CDH26: variants seen among roughly 807,000 people sequenced by gnomAD.
CDH26 encodes the protein cadherin-like protein 26.
In CDH26, 83 loss-of-function variants were observed where a neutral mutation model predicts 90.3. The ratio of observed to expected loss-of-function variants is 0.92; its 90% CI spans 0.77 to 1.10. CDH26 has a LOEUF of 1.10. Ranked by LOEUF, CDH26 falls within the 50% of genes least tolerant of loss-of-function variation. CDH26 has a pLI of 0.00. For missense variants in CDH26, 1,013 were observed against 1,037.6 expected, an observed-to-expected ratio of 0.98 and a Z score of 0.33; for synonymous variants, 397 against 396.3, an observed-to-expected ratio of 1.00 and a Z score of -0.02.
downstream of CDH26, among the ~76,000 whole-genome samples, chr20:60,018,200 TG>T (rs942920923): frequency 3.3e-5 from 5 of 152,094 alleles, no homozygotes; most frequent in African/African-American, 1.2e-4. Flanking sequence ...GAGAGTGAGA[TG>T]TTGAAGTCCC....
intron 4 of CDH26, among the ~76,000 whole-genome samples, chr20:59,973,153 C>T (rs117076225): frequency 0.019 from 2,888 of 152,282 alleles, 40 homozygotes; most frequent in Middle Eastern, 0.037. Flanking sequence ...AAACAGATCA[C>T]CTAGGGATCT....
chr20:60,033,460 C>T, intron 8 of CDH26: 1 of 1,298,302 alleles, frequency 7.7e-7, no homozygotes, highest in Non-Finnish European at 1.0e-6. Context: ...TTAATTCTCA[C>T]TTTCTGTTTT....
Position 59,984,785 on chromosome 20 carries a change from T to C in CDH26, c.688T>C (p.Ser230Pro), listed in dbSNP as rs867833872. ...TCGCCTTAGTGGAGAAATACGACTCTCTGGCTGCTTAGATTATGAGGTTAT... is the reference window on the plus strand; with the variant it reads ...TCGCCTTAGTGGAGAAATACGACTCCCTGGCTGCTTAGATTATGAGGTTAT... ...VDRLSGEIRL[S>P]GCLDYETAPQ... Residue 230 changes from serine to proline, a missense_variant, in exon 6 of 18, where the codon TCT (serine) becomes CCT (proline). Physicochemically the swap from Ser to Pro is moderately conservative, Grantham distance 74. Coordinates refer to ENST00000348616, the MANE Select transcript of CDH26 (RefSeq NM_177980.4). The C allele has an allele frequency of 3.1e-6, 5 of 1,610,576 alleles. No homozygotes were observed. Among genetic ancestry groups the C allele is most frequent in the Non-Finnish European group, 3.4e-6 (4 of 1,179,224 alleles).
intron 7 of CDH26, among the ~76,000 whole-genome samples, chr20:60,026,477 CG>C (rs1186563818): frequency 2.0e-5 from 3 of 150,792 alleles, no homozygotes; most frequent in Non-Finnish European, 2.9e-5. Flanking sequence ...TCACAGAGAC[CG>C]GAAGCAAGAA....
At chr20:59,958,893 T>G in intron 1 of CDH26, 98 bp downstream of exon 1, 3 of 1,255,320 alleles carry the variant, frequency 2.4e-6, no homozygotes, top group Non-Finnish European at 3.4e-6. Context: ...GGAGAGGGAC[T>G]GAGTGTGACC....
intron 1 of CDH26, among the ~76,000 whole-genome samples, chr20:59,966,231 TAAAAAAAA>T (rs60088029): frequency 2.4e-4 from 18 of 76,266 alleles, no homozygotes; most frequent in African/African-American, 9.4e-4. Flanking sequence ...GGTGTTGCAT[TAAAAAAAA>T]AAAAAAAAAA....
rs1569040925 is a variant in CDH26, at chr20:59,988,937, C to G, written c.1057C>G (p.Leu353Val). The change falls in exon 9 of 18, where the codon CTC becomes GTC. Residue 353 changes from leucine to valine, a missense_variant. By Grantham distance (32) the Leu-to-Val change is conservative (BLOSUM62 1). Coordinates refer to ENST00000348616, the MANE Select transcript of CDH26 (RefSeq NM_177980.4). Reference protein sequence around the residue: ...LDYETRPAQSLIIVVENEERL... With the variant: ...LDYETRPAQSVIIVVENEERL... ...TTATGAGACTCGCCCAGCGCAAAGC[C>G]TCATCATTGTCGTGGAGAATGAGGA... 6.2e-7 allele frequency: 1 copy of G among 1,614,202 alleles called. No individual in the cohort carries two copies. Among genetic ancestry groups the G allele is most frequent in the East Asian group, 2.2e-5 (1 of 44,878 alleles).
chr20:60,001,447 C>G, intron 15 of CDH26, 36 bp downstream of exon 15: 1 of 1,610,526 alleles, frequency 6.2e-7, no homozygotes. Flanking sequence ...CTACGGCCAT[C>G]TCACTAGTGA....
intron 16 of CDH26, 24 bp from the exon 17 acceptor site, chr20:60,006,689 G>A (rs2061755869): frequency 1.3e-6 from 2 of 1,593,030 alleles, no homozygotes; most frequent in South Asian, 1.1e-5. Context: ...GCTGTGGTAT[G>A]AAGCTCTACT....
rs550841936 is a variant in CDH26, at chr20:59,977,367, C to G, written c.393+5244C>G. Among the ~76,000 whole-genome samples, 260 of 152,306 alleles carry G rather than the reference C, an allele frequency of 1.7e-3. 1 individual carries two copies. The highest frequency in any genetic ancestry group is 0.01 in the Middle Eastern group (3 of 294). On this transcript the variant is annotated intron_variant, in intron 4 of 17. Transcript: ENST00000348616. ...CTTTCCCACTCCCTTTTCTGCGACT[C>G]TGAACTCCTGCCTTTGCCCACAGCC...
intron 9 of CDH26, among the ~76,000 whole-genome samples, chr20:59,991,420 T>A (rs865991029): frequency 1.3e-5 from 2 of 152,198 alleles, no homozygotes; most frequent in Non-Finnish European, 2.9e-5. Flanking sequence ...TTTCCTCTAG[T>A]TCTGCTTCAT....
intron 1 of CDH26, among the ~76,000 whole-genome samples, chr20:59,968,047 CTCTCTG>C (rs2061200278): frequency 1.5e-5 from 2 of 137,346 alleles, no homozygotes; most frequent in African/African-American, 3.1e-5. Flanking sequence ...CTCTCTCTCT[CTCTCTG>C]TCTCTCTCTC....
chr20:59,997,008 C>G (rs1426387200), intron 13 of CDH26, among the ~76,000 whole-genome samples: 4 of 152,184 alleles, frequency 2.6e-5, no homozygotes, highest in Middle Eastern at 3.2e-3. Context: ...TGCCTGGAGA[C>G]AGTTTTGATG....
At chr20:60,015,768 A>C (rs1443219651), downstream of CDH26, among the ~76,000 whole-genome samples, 1 of 152,166 alleles carries the variant, frequency 6.6e-6, no homozygotes, top group South Asian at 2.1e-4. Flanking sequence ...TCTCACATTT[A>C]GGTCTTTGAT....
chr20:59,976,409 G>T (rs1364582104), intron 4 of CDH26, among the ~76,000 whole-genome samples: 1 of 152,112 alleles, frequency 6.6e-6, no homozygotes, highest in Non-Finnish European at 1.5e-5. Flanking sequence ...TGTTTCTCAG[G>T]CATCTTATGG....
chr20:60,009,440 G>A (rs951333167), intron 17 of CDH26, among the ~76,000 whole-genome samples: 3 of 152,216 alleles, frequency 2.0e-5, no homozygotes, highest in Non-Finnish European at 4.4e-5. Flanking sequence ...GCACACACAC[G>A]TGAACGCATG....
At position 59,987,223 on chromosome 20, in the gene CDH26, G is replaced by A. The variant is rs1047145426; in HGVS notation, c.838-230G>A. Among the ~76,000 whole-genome samples the A allele has an allele frequency of 4.6e-5, 7 of 152,288 alleles. No individual in the cohort carries two copies. In the East Asian group the frequency reaches 1.4e-3, roughly 29 times the overall value. ...ATTATTTAGCGAGTCACAGGTAGGA[G>A]GGGGCAGATATTCCAACGGATGCAC... On this transcript the variant is annotated intron_variant, in intron 7 of 17. Coordinates refer to ENST00000348616, the MANE Select transcript of CDH26 (RefSeq NM_177980.4).
At chr20:59,980,466 T>G (rs995238352) in intron 4 of CDH26, among the ~76,000 whole-genome samples, 3 of 152,138 alleles carry the variant, frequency 2.0e-5, no homozygotes, top group Non-Finnish European at 2.9e-5. Flanking sequence ...GGCTAATTTT[T>G]GTATTTTTTT....
chr20:59,996,577 C>A (rs1268076806), intron 12 of CDH26, 54 bp from the exon 13 acceptor site: 3 of 1,614,060 alleles, frequency 1.9e-6, no homozygotes, highest in Non-Finnish European at 2.5e-6. Context: ...CCTCATGAAA[C>A]CTCTGATATG....
Sources: gnomAD v4.1 joint callset for allele counts (sites outside exome capture counted in the v4.1 genomes callset) on GRCh38, gnomAD v4.1.1 for gene constraint, MANE v1.5 for transcripts, NCBI Gene and HGNC (gene_info 2026-07-23, HGNC 2026-07-21) for gene names.